The following DGKD variants were observed in gnomAD, a reference collection of about 807,000 sequenced individuals.
DGKD encodes the protein diacylglycerol kinase delta.
A neutral mutation model predicts 154.4 loss-of-function variants in DGKD; 68 were observed. The ratio of observed to expected loss-of-function variants is 0.44; its 90% CI spans 0.36 to 0.54. The LOEUF (loss-of-function observed/expected upper bound fraction) is 0.54, where lower values mean the gene tolerates loss of function less well. Among genes scored for constraint, DGKD ranks in the 20% least tolerant of loss-of-function variants. The pLI, the probability that DGKD is intolerant of heterozygous loss-of-function variation, is 0.00. For synonymous variants in DGKD, 693 were observed against 638.0 expected (o/e 1.09, Z -1.30); for missense variants, 1,343 against 1,593.6 (o/e 0.84, Z 2.68).
Position 233,446,663 on chromosome 2 carries a change from TGTG to T in DGKD, c.1335-47_1335-45del, listed in dbSNP as rs762257586. 2.5e-6 allele frequency: 4 copies of T among 1,592,642 alleles called. No homozygotes were observed. In the South Asian group the frequency reaches 3.3e-5, roughly 13 times the overall value. The stretch of plus-strand genomic sequence containing the variant: ...AAGCGGACGGCGCAGGGTTCACCCT[TGTG>T]GGCCTGCACGTCTTGCCGCCTGTGC... On this transcript the variant is annotated intron_variant, in intron 11 of 29. Coordinates refer to ENST00000264057, the MANE Select transcript of DGKD (RefSeq NM_152879.3).
chr2:233,437,067 C>G (rs942349514), intron 7 of DGKD, among the ~76,000 whole-genome samples: 1 of 152,238 alleles, frequency 6.6e-6, no homozygotes, highest in Non-Finnish European at 1.5e-5. Context: ...CCCTCACCCT[C>G]GTCCTGAAAG....
rs569648005 is a variant in DGKD, at chr2:233,391,323, G to GT, written c.348+843dup. ...AGTGGCCAGCTGCTTACTCTACAGT[G>GT]TTTATCTTTATTTCTGTATATTTAT... On this transcript the variant is annotated intron_variant, in intron 3 of 29. Transcript: ENST00000264057. 2.0e-4 allele frequency among the ~76,000 whole-genome samples: 30 copies of GT among 152,138 alleles called. No individual in the cohort carries two copies. In the East Asian group the frequency reaches 5.4e-3, roughly 27 times the overall value.
intron 3 of DGKD, among the ~76,000 whole-genome samples, chr2:233,412,552 TACTTCTTCCTTTCTGACTC>T (rs1420837140): frequency 2.6e-5 from 4 of 152,240 alleles, no homozygotes; most frequent in African/African-American, 9.6e-5. Context: ...GGGACAGCTT[TACTTCTTCCTTTCTGACTC>T]ACATGCCTTT....
intron 1 of DGKD, among the ~76,000 whole-genome samples, chr2:233,372,798 T>G (rs1432478367): frequency 6.6e-6 from 1 of 152,198 alleles, no homozygotes; most frequent in East Asian, 1.9e-4. Flanking sequence ...TTTGGGAAAG[T>G]GACTTAGTGA....
At chr2:233,363,706 A>G (rs1701892673) in intron 1 of DGKD, among the ~76,000 whole-genome samples, 1 of 152,226 alleles carries the variant, frequency 6.6e-6, no homozygotes, top group Non-Finnish European at 1.5e-5. Flanking sequence ...TACCATTTTA[A>G]AAATCTTTTA....
chr2:233,415,917 G>A (rs548954646), intron 3 of DGKD, among the ~76,000 whole-genome samples: 90 of 152,190 alleles, frequency 5.9e-4, no homozygotes, highest in African/African-American at 1.8e-3. Flanking sequence ...GAGCTGCTGC[G>A]CCCAACCAGG....
At chr2:233,383,189 C>T (rs751714546) in intron 1 of DGKD, among the ~76,000 whole-genome samples, 7 of 152,080 alleles carry the variant, frequency 4.6e-5, no homozygotes, top group East Asian at 1.9e-4. Flanking sequence ...TACAGGTATC[C>T]GCCACCATGC....
At chr2:233,413,953 A>G (rs1285611433) in intron 3 of DGKD, among the ~76,000 whole-genome samples, 1 of 152,262 alleles carries the variant, frequency 6.6e-6, no homozygotes, top group Admixed American at 6.5e-5. Context: ...GAATAAGGAA[A>G]GCCATTGTAA....
intron 3 of DGKD, among the ~76,000 whole-genome samples, chr2:233,394,728 G>A (rs1171640778): frequency 1.5e-5 from 1 of 65,438 alleles, no homozygotes; most frequent in African/African-American, 5.7e-5. Flanking sequence ...TTTTTTTAGA[G>A]ATAGGCTCTT....
At chr2:233,442,198 G>T in intron 10 of DGKD, 1 of 687,342 alleles carries the variant, frequency 1.5e-6, no homozygotes, top group Non-Finnish European at 2.7e-6. Flanking sequence ...AGGCCCGGGG[G>T]CTCTGGCCAT....
intron 1 of DGKD, among the ~76,000 whole-genome samples, chr2:233,380,792 GGGGTTT>G (rs1410450302): frequency 2.6e-5 from 4 of 152,166 alleles, no homozygotes; most frequent in African/African-American, 9.7e-5. Flanking sequence ...CGCTCTCCTG[GGGGTTT>G]GGGCATACAC....
chr2:233,432,188 G>A (rs1176441722), intron 3 of DGKD, among the ~76,000 whole-genome samples: 4 of 99,304 alleles, frequency 4.0e-5, no homozygotes, highest in African/African-American at 1.1e-4. Context: ...TCAGGAGATC[G>A]TGACCATCCT....
At chr2:233,447,238 TG>T (rs1476865912) in intron 12 of DGKD, among the ~76,000 whole-genome samples, 13 of 152,150 alleles carry the variant, frequency 8.5e-5, no homozygotes, top group Non-Finnish European at 7.3e-5. Flanking sequence ...CGTCTGCAGC[TG>T]CCCTTCGCTC....
intron 1 of DGKD, among the ~76,000 whole-genome samples, chr2:233,359,190 T>C (rs1228991686): frequency 1.3e-5 from 2 of 152,218 alleles, no homozygotes; most frequent in African/African-American, 4.8e-5. Flanking sequence ...CTTCTAGTTA[T>C]GAAGCATGCG....
chr2:233,365,365 C>T (rs1048399819), intron 1 of DGKD, among the ~76,000 whole-genome samples: 9 of 151,924 alleles, frequency 5.9e-5, no homozygotes, highest in African/African-American at 2.2e-4. Context: ...AGAGTAGCTG[C>T]GACTACAGGT....
intron 3 of DGKD, among the ~76,000 whole-genome samples, chr2:233,416,478 G>A (rs2061963225): frequency 6.6e-6 from 1 of 152,160 alleles, no homozygotes; most frequent in Admixed American, 6.5e-5. Flanking sequence ...AAAGTGGATG[G>A]TAGTGTCAAG....
At chr2:233,462,549 G>C in intron 25 of DGKD, 90 bp downstream of exon 25, 1 of 1,518,798 alleles carries the variant, frequency 6.6e-7, no homozygotes, top group Middle Eastern at 1.7e-4. Context: ...CCGCCTCCCC[G>C]GTGCATGTTC....
rs748263202 is a variant in DGKD at position 233,448,348 on chromosome 2, G to A, written c.1587G>A (p.Ser529=). The change falls in exon 14 of 30, where the codon TCG becomes TCA. Residue 529 remains serine, a synonymous_variant. Transcript: ENST00000264057. Reference sequence around the variant, plus strand: ...CCTATGAGAAGACGACCGAGAGCTCGGAGGAGTCAGAGGTCATGGCCAAGA... The same window carrying A: ...CCTATGAGAAGACGACCGAGAGCTCAGAGGAGTCAGAGGTCATGGCCAAGA... The part of the protein sequence containing the change: ...GKAYEKTTES[S]EESEVMAKKC... 4.8e-5 allele frequency: 77 copies of A among 1,614,100 alleles called. No individual in the cohort carries two copies. The highest frequency in any genetic ancestry group is 1.1e-4 in the East Asian group (5 of 44,884).
chr2:233,447,756 C>G (rs115450312), intron 12 of DGKD: 12 of 1,108,592 alleles, frequency 1.1e-5, no homozygotes, highest in Non-Finnish European at 1.2e-5. Context: ...AAACCTGGAG[C>G]CGACCCGCCA....
Sources: gnomAD v4.1 joint callset for allele counts (sites outside exome capture counted in the v4.1 genomes callset) on GRCh38, gnomAD v4.1.1 for gene constraint, MANE v1.5 for transcripts, NCBI Gene and HGNC (gene_info 2026-07-23, HGNC 2026-07-21) for gene names.